The following ADIPOR2 variants were observed in gnomAD, a reference collection of about 807,000 sequenced individuals.
ADIPOR2 encodes adiponectin receptor protein 2.
Under a neutral mutation model 40.9 loss-of-function variants are expected in ADIPOR2, and 18 were observed. That is an observed-to-expected ratio of 0.44 (90% CI 0.30 to 0.65). The LOEUF (loss-of-function observed/expected upper bound fraction) is 0.65, where lower values mean the gene tolerates loss of function less well. Ranked by LOEUF, ADIPOR2 falls within the 30% of genes least tolerant of loss-of-function variation. The pLI, the probability that ADIPOR2 is intolerant of heterozygous loss-of-function variation, is 0.09. For missense variants in ADIPOR2, 283 were observed against 479.2 expected (o/e 0.59, Z 3.82); for synonymous variants, 165 against 166.4 (o/e 0.99, Z 0.06).
intron 1 of ADIPOR2, among the ~76,000 whole-genome samples, chr12:1,705,892 G>C (rs187550929): frequency 1.3e-3 from 191 of 152,204 alleles, no homozygotes; most frequent in African/African-American, 4.2e-3. Context: ...TTGAATTCAG[G>C]GTCTTCCACT....
At chr12:1,711,015 C>T (rs754598167) in intron 1 of ADIPOR2, among the ~76,000 whole-genome samples, 36 of 152,178 alleles carry the variant, frequency 2.4e-4, no homozygotes, top group African/African-American at 4.8e-4. Context: ...GTTTGAAAGG[C>T]GTTGTCTGAT....
At chr12:1,702,384 C>T (rs532690238) in intron 1 of ADIPOR2, among the ~76,000 whole-genome samples, 1 of 152,224 alleles carries the variant, frequency 6.6e-6, no homozygotes, top group Admixed American at 6.5e-5. Flanking sequence ...TGGATATTGT[C>T]AAATTTGCTG....
intron 1 of ADIPOR2, among the ~76,000 whole-genome samples, chr12:1,698,800 A>G (rs2094644478): frequency 6.6e-6 from 1 of 152,146 alleles, no homozygotes; most frequent in Admixed American, 6.5e-5. Context: ...CCACCCAGAA[A>G]GGTCACAGCA....
intron 1 of ADIPOR2, among the ~76,000 whole-genome samples, chr12:1,717,293 G>A (rs900719945): frequency 6.6e-6 from 1 of 152,012 alleles, no homozygotes; most frequent in Admixed American, 6.6e-5. Flanking sequence ...TTATTTTCTA[G>A]GCTGCTCATA....
At chr12:1,772,991 G>A in intron 3 of ADIPOR2, 30 bp downstream of exon 3, 1 of 1,609,642 alleles carries the variant, frequency 6.2e-7, no homozygotes. Context: ...TCATTGTCAT[G>A]CTATATATTT....
At chr12:1,749,063 G>C (rs142142859) in intron 1 of ADIPOR2, among the ~76,000 whole-genome samples, 1 of 152,118 alleles carries the variant, frequency 6.6e-6, no homozygotes, top group Non-Finnish European at 1.5e-5. Flanking sequence ...CTGGACTGGC[G>C]CACAGAACTC....
chr12:1,718,227 C>G (rs2094691475), intron 1 of ADIPOR2, among the ~76,000 whole-genome samples: 1 of 151,944 alleles, frequency 6.6e-6, no homozygotes, highest in African/African-American at 2.4e-5. Context: ...GATACTTGGA[C>G]TGTGATGGTA....
At chr12:1,718,588 G>A (rs2094692065) in intron 1 of ADIPOR2, among the ~76,000 whole-genome samples, 1 of 152,178 alleles carries the variant, frequency 6.6e-6, no homozygotes, top group Non-Finnish European at 1.5e-5. Flanking sequence ...GTATGGTTCT[G>A]TGAATTTTGA....
At chr12:1,731,418 T>G (rs1363855610) in intron 1 of ADIPOR2, among the ~76,000 whole-genome samples, 1 of 152,182 alleles carries the variant, frequency 6.6e-6, no homozygotes, top group Non-Finnish European at 1.5e-5. Flanking sequence ...ATTAGGTATA[T>G]TCACAATGTT....
chr12:1,762,036 G>A (rs1485791541), intron 2 of ADIPOR2, among the ~76,000 whole-genome samples: 1 of 152,078 alleles, frequency 6.6e-6, no homozygotes, highest in Non-Finnish European at 1.5e-5. Flanking sequence ...CATGTTCATT[G>A]AGCTGCAGCC....
intron 2 of ADIPOR2, among the ~76,000 whole-genome samples, chr12:1,767,481 G>C (rs750134051): frequency 2.0e-5 from 3 of 149,794 alleles, no homozygotes; most frequent in Non-Finnish European, 4.4e-5. Context: ...TTATTCTTCA[G>C]CTATCATTTT....
At chr12:1,706,991 GA>G (rs903596181) in intron 1 of ADIPOR2, among the ~76,000 whole-genome samples, 1 of 152,084 alleles carries the variant, frequency 6.6e-6, no homozygotes, top group Non-Finnish European at 1.5e-5. Context: ...CCGGTCTCAA[GA>G]AAAAAACTTT....
chr12:1,723,984 C>CTT (rs755722890), intron 1 of ADIPOR2, among the ~76,000 whole-genome samples: 4 of 144,314 alleles, frequency 2.8e-5, no homozygotes, highest in Admixed American at 6.9e-5. Context: ...AAAATGGAAT[C>CTT]TTTTTTTTTT....
At chr12:1,780,287 T>C in intron 4 of ADIPOR2, 164 bp from the exon 5 acceptor site, 1 of 650,612 alleles carries the variant, frequency 1.5e-6, no homozygotes, top group Non-Finnish European at 2.4e-6. Flanking sequence ...ATGTTGGAAG[T>C]AAACCACAAT....
rs1944678582 is a variant in ADIPOR2, at chr12:1,749,982, T to G, written c.-86-4276T>G. Reference sequence around the variant, plus strand: ...CTCTTCAGTACCTAGACTACACAGGTGCATGCCACTAAACTCAGCTAACTT... The same window carrying G: ...CTCTTCAGTACCTAGACTACACAGGGGCATGCCACTAAACTCAGCTAACTT... On this transcript the variant is annotated intron_variant, in intron 1 of 7. Transcript: ENST00000357103. Among the ~76,000 whole-genome samples, 4 of 151,828 alleles carry G rather than the reference T, an allele frequency of 2.6e-5. No individual in the cohort carries two copies. In the South Asian group the frequency reaches 8.3e-4, roughly 32 times the overall value.
At chr12:1,721,596 C>G (rs1477229053) in intron 1 of ADIPOR2, among the ~76,000 whole-genome samples, 1 of 152,190 alleles carries the variant, frequency 6.6e-6, no homozygotes, top group African/African-American at 2.4e-5. Context: ...GATAATGTCT[C>G]TACTCTCAGG....
rs1175318589 is a variant in ADIPOR2 at position 1,783,932 on chromosome 12, C to T, written c.891C>T (p.Val297=). The T allele has an allele frequency of 1.9e-6, 3 of 1,613,334 alleles. No homozygotes were observed. The highest frequency in any genetic ancestry group is 2.5e-6 in the Non-Finnish European group (3 of 1,179,642). The part of the protein sequence containing the change: ...LSGIIPTLHY[V]ISEGFLKAAT... ...GAATCATTCCTACCTTGCACTATGT[C>T]ATCTCGGAGGGGTTCCTTAAGGCCG... Residue 297 remains valine, a synonymous_variant, in exon 7 of 8, where the codon GTC becomes GTT. Coordinates refer to ENST00000357103, the MANE Select transcript of ADIPOR2 (RefSeq NM_024551.3).
In ADIPOR2 at chr12:1,787,651, C is replaced by G. The variant is rs952678931; in HGVS notation, c.*1579C>G. The G allele has an allele frequency of 6.6e-6, 1 of 152,162 alleles. No homozygotes were observed. Among genetic ancestry groups the G allele is most frequent in the African/African-American group, 2.4e-5 (1 of 41,426 alleles). 9.4% of individuals were successfully genotyped at this position (152,162 alleles called of 1,614,324 possible). On this transcript the variant is annotated 3_prime_UTR_variant, in exon 8 of 8. Coordinates refer to ENST00000357103, the MANE Select transcript of ADIPOR2 (RefSeq NM_024551.3). ...CTGTCATCAAAGACTTGGGATGACT[C>G]CATTATATCCTGGGGTTGTGGGTAT...
chr12:1,707,287 A>G (rs951984430), intron 1 of ADIPOR2, among the ~76,000 whole-genome samples: 1 of 152,160 alleles, frequency 6.6e-6, no homozygotes, highest in Non-Finnish European at 1.5e-5. Context: ...ATAGGAGTAG[A>G]ATAGCTGAGT....
Sources: allele counts gnomAD v4.1 joint callset (sites outside exome capture counted in the v4.1 genomes callset), GRCh38; gene constraint gnomAD v4.1.1; transcripts MANE v1.5; gene names NCBI Gene and HGNC (gene_info 2026-07-23, HGNC 2026-07-21).